TLR6: variants seen among roughly 807,000 people sequenced by gnomAD.
TLR6 encodes toll like receptor 6.
Under a neutral mutation model 16.1 loss-of-function variants are expected in TLR6, and 9 were observed. The ratio of observed to expected loss-of-function variants is 0.56; its 90% CI spans 0.34 to 0.98. TLR6 has a LOEUF of 0.98. Among genes scored for constraint, TLR6 ranks in the 50% least tolerant of loss-of-function variants. TLR6 has a pLI of 0.02. For missense variants in TLR6, 786 were observed against 921.0 expected (o/e 0.85, Z 1.90); for synonymous variants, 340 against 338.6 (o/e 1.00, Z -0.04).
chr4:38,855,980 T>TAA (rs1443094531), intron 1 of TLR6, among the ~76,000 whole-genome samples: 1 of 151,766 alleles, frequency 6.6e-6, no homozygotes. Flanking sequence ...CTATGAAAAT[T>TAA]AAAACTACAA....
intron 1 of TLR6, among the ~76,000 whole-genome samples, chr4:38,835,775 C>G (rs1560266092): frequency 6.6e-6 from 1 of 152,128 alleles, no homozygotes; most frequent in South Asian, 2.1e-4. Flanking sequence ...CAAGTATTTT[C>G]TCAGATCACA....
chr4:38,845,802 G>C (rs1321524429), intron 1 of TLR6, among the ~76,000 whole-genome samples: 1 of 152,152 alleles, frequency 6.6e-6, no homozygotes. Flanking sequence ...AAAATTAGTA[G>C]AGACTGGGGC....
At chr4:38,859,136 A>G (rs1198933416), upstream of TLR6, among the ~76,000 whole-genome samples, 2 of 152,194 alleles carry the variant, frequency 1.3e-5, no homozygotes, top group East Asian at 1.9e-4. Context: ...TGGGATTCGA[A>G]CCCAGGCAGT....
In TLR6 at chr4:38,827,578, G is replaced by T. The variant is rs182374412; in HGVS notation, c.1896C>A (p.Pro632=). The change falls in exon 2 of 2, where the codon CCC becomes CCA. Residue 632 remains proline (P), a synonymous_variant. Transcript: ENST00000436693. ...GGAGGTTTCTTTGGAGTTCTTCTAA[G>T]GGTATGTTCCTGGCCCTGCGCCGAG... 1.1e-5 allele frequency: 18 copies of T among 1,614,202 alleles called. No individual in the cohort carries two copies. In the East Asian group the frequency reaches 3.8e-4, roughly 34 times the overall value.
In TLR6 at chr4:38,829,082, T is replaced by C. The variant is rs138792485; in HGVS notation, c.392A>G (p.Asn131Ser). Reference sequence around the variant, plus strand: ...ACAGATGGGCAGGGCCTTGAAATCATTGAATGAGAGATCTAAATGCCTGAA... The same window carrying C: ...ACAGATGGGCAGGGCCTTGAAATCACTGAATGAGAGATCTAAATGCCTGAA... The change falls in exon 2 of 2, where the codon AAT (asparagine) becomes AGT (serine). Residue 131 changes from asparagine (N) to serine (S), a missense_variant. Asn to Ser is a conservative substitution (Grantham distance 46). Transcript: ENST00000436693. The C allele has an allele frequency of 1.4e-4, 229 of 1,614,058 alleles. 1 individual carries two copies. The highest frequency in any genetic ancestry group is 1.7e-4 in the Non-Finnish European group (200 of 1,180,024).
rs1301620203 is a variant in TLR6, at chr4:38,836,039, CAACCT to C, written c.-64-6507_-64-6503del. Among the ~76,000 whole-genome samples the C allele has an allele frequency of 3.3e-5, 5 of 152,104 alleles. No individual in the cohort carries two copies. In the East Asian group the frequency reaches 9.7e-4, roughly 29 times the overall value. On this transcript the variant is annotated intron_variant, in intron 1 of 1. Coordinates refer to ENST00000436693, the Ensembl canonical transcript of TLR6. Reference sequence around the variant, plus strand: ...AAAAAGTAGAAAGATTTGAAATAAACAACCTAACAACGAACCTCAAGGAAGCAAGA... The same window carrying C: ...AAAAAGTAGAAAGATTTGAAATAAACAACAACGAACCTCAAGGAAGCAAGA...
At chr4:38,850,332 G>C (rs1238554691) in intron 1 of TLR6, among the ~76,000 whole-genome samples, 1 of 152,030 alleles carries the variant, frequency 6.6e-6, no homozygotes, top group Non-Finnish European at 1.5e-5. Flanking sequence ...AGAGAAGCAA[G>C]AGCAAACATA....
At chr4:38,859,461 C>G (rs1196261988), upstream of TLR6, among the ~76,000 whole-genome samples, 1 of 151,658 alleles carries the variant, frequency 6.6e-6, no homozygotes, top group African/African-American at 2.4e-5. Context: ...ATACAAGGGT[C>G]TACATACATA....
At chr4:38,830,438 G>C (rs5743805) in intron 1 of TLR6, among the ~76,000 whole-genome samples, 1 of 152,024 alleles carries the variant, frequency 6.6e-6, no homozygotes, top group African/African-American at 2.4e-5. Flanking sequence ...AGGGAGGCCC[G>C]GCACAGTGGC....
chr4:38,858,664 G>A (rs1417519564), upstream of TLR6, among the ~76,000 whole-genome samples: 1 of 151,294 alleles, frequency 6.6e-6, no homozygotes, highest in Admixed American at 6.6e-5. Flanking sequence ...AGGTAGCAGA[G>A]AGCTGAGATT....
At chr4:38,858,161 T>C (rs1198819965), upstream of TLR6, among the ~76,000 whole-genome samples, 1 of 152,128 alleles carries the variant, frequency 6.6e-6, no homozygotes, top group East Asian at 1.9e-4. Flanking sequence ...AAGATGGCAA[T>C]GACAGTTAAG....
exon 2 of TLR6, chr4:38,826,843 C>G (rs1448685078): frequency 2.8e-6 from 1 of 361,126 alleles, no homozygotes; most frequent in Non-Finnish European, 5.0e-6. Context: ...TGAGCATTTA[C>G]TCAAAAGAGA....
chr4:38,844,420 A>C (rs1712425139), intron 1 of TLR6, among the ~76,000 whole-genome samples: 1 of 152,248 alleles, frequency 6.6e-6, no homozygotes, highest in South Asian at 2.1e-4. Context: ...GTAATATTGC[A>C]TCAAAATTTA....
At chr4:38,845,979 C>T (rs1712509748) in intron 1 of TLR6, among the ~76,000 whole-genome samples, 1 of 150,912 alleles carries the variant, frequency 6.6e-6, no homozygotes, top group Admixed American at 6.7e-5. Flanking sequence ...GCAGTCCCAG[C>T]TATTCAGGAG....
upstream of TLR6, among the ~76,000 whole-genome samples, chr4:38,858,833 A>AG (rs1713116154): frequency 7.4e-4 from 13 of 17,680 alleles, no homozygotes; most frequent in Non-Finnish European, 1.0e-3. Context: ...GAGAGAGAGG[A>AG]AGAAAGAAAG....
chr4:38,841,200 T>A (rs1459880547), intron 1 of TLR6, among the ~76,000 whole-genome samples: 4 of 149,472 alleles, frequency 2.7e-5, no homozygotes. Flanking sequence ...AAAGACTATT[T>A]AGAGAGTTCT....
chr4:38,833,578 T>C (rs1201862608), intron 1 of TLR6, among the ~76,000 whole-genome samples: 3 of 152,144 alleles, frequency 2.0e-5, no homozygotes, highest in African/African-American at 7.2e-5. Flanking sequence ...ATCCATAAAA[T>C]TGGAAGCAGC....
At chr4:38,829,310 T>C in exon 2 of TLR6, 1 of 1,614,172 alleles carries the variant, frequency 6.2e-7, no homozygotes, top group Non-Finnish European at 8.5e-7. Context: ...ATCTAAGACT[T>C]TGGTTTTCAG....
chr4:38,824,440 G>C (rs543892924), exon 2 of TLR6: 1 of 152,298 alleles, frequency 6.6e-6, no homozygotes, highest in South Asian at 2.1e-4. Context: ...CTCTGCCGAG[G>C]GGATGTAGGT....
Sources: gnomAD v4.1 joint callset for allele counts (sites outside exome capture counted in the v4.1 genomes callset) on GRCh38, gnomAD v4.1.1 for gene constraint, MANE v1.5 for transcripts, NCBI Gene and HGNC (gene_info 2026-07-23, HGNC 2026-07-21) for gene names.